The following ZNF503 variants were observed in gnomAD, a reference collection of about 807,000 sequenced individuals.
The protein encoded by ZNF503 is NocA-like zinc finger 2.
In ZNF503, 15 loss-of-function variants were observed where a neutral mutation model predicts 34.4. That is an observed-to-expected ratio of 0.44 (90% confidence interval 0.29 to 0.67). The LOEUF (loss-of-function observed/expected upper bound fraction) is 0.67. Ranked by LOEUF, ZNF503 falls within the 30% of genes least tolerant of loss-of-function variation. The pLI, the probability that ZNF503 is intolerant of heterozygous loss-of-function variation, is 0.13. For missense variants in ZNF503, 1,007 were observed against 926.8 expected, an observed-to-expected ratio of 1.09 and a Z score of -1.12; for synonymous variants, 580 against 456.8, an observed-to-expected ratio of 1.27 and a Z score of -3.44.
chr10:75,400,393 G>T lies in ZNF503; in HGVS notation c.316-19C>A, dbSNP rs555011815. ...CATCGAGCTGCGGGGTCAGACGATG[G>T]GGGGGGAGCGTCACACAGAGAAAGA... On this transcript the variant is annotated intron_variant, in intron 1 of 1. Coordinates refer to ENST00000372524, the MANE Select transcript of ZNF503 (RefSeq NM_032772.6). 14 of 1,562,608 alleles carry T rather than the reference G, an allele frequency of 9.0e-6. No homozygotes were observed. The highest frequency in any genetic ancestry group is 5.6e-5 in the South Asian group (5 of 88,982).
the ZNF503 span, among the ~76,000 whole-genome samples, chr10:75,286,557 G>C: frequency 6.6e-6 from 1 of 152,156 alleles, no homozygotes; most frequent in Non-Finnish European, 1.5e-5. Context: ...AAGTTGCTTA[G>C]CTTTTCTGTG....
chr10:75,385,121 G>T, the ZNF503 span, among the ~76,000 whole-genome samples: 1 of 152,168 alleles, frequency 6.6e-6, no homozygotes, highest in Non-Finnish European at 1.5e-5. Context: ...GGGACAAAGA[G>T]GTGGCCATCT....
the ZNF503 span, among the ~76,000 whole-genome samples, chr10:75,355,305 A>G: frequency 1.3e-5 from 2 of 152,160 alleles, no homozygotes; most frequent in African/African-American, 4.8e-5. Flanking sequence ...TTCTTTTTAA[A>G]ATAAAAACCT....
At chr10:75,321,743 G>C in the ZNF503 span, among the ~76,000 whole-genome samples, 4 of 152,156 alleles carry the variant, frequency 2.6e-5, no homozygotes, top group African/African-American at 4.8e-5. Context: ...TATAAGATTT[G>C]ACCTGCTGCT....
At chr10:75,293,702 A>G in the ZNF503 span, among the ~76,000 whole-genome samples, 1 of 151,794 alleles carries the variant, frequency 6.6e-6, no homozygotes, top group South Asian at 2.1e-4. Flanking sequence ...GGAGTTTTTC[A>G]TGATGTTTTG....
chr10:75,348,962 C>A, the ZNF503 span, among the ~76,000 whole-genome samples: 1 of 150,862 alleles, frequency 6.6e-6, no homozygotes, highest in Non-Finnish European at 1.5e-5. Flanking sequence ...GCTATATACT[C>A]TCTCTCTCTC....
downstream of ZNF503, among the ~76,000 whole-genome samples, chr10:75,396,738 T>C (rs746993600): frequency 1.3e-5 from 2 of 151,872 alleles, no homozygotes; most frequent in Non-Finnish European, 2.9e-5. This position sits in a 1 kb window ranked among gnomAD's most constrained non-coding sequence, Gnocchi z 4.4. Context: ...CCCGGAATCC[T>C]TGGAAAGGGC....
the ZNF503 span, among the ~76,000 whole-genome samples, chr10:75,300,068 G>A: frequency 1.3e-5 from 2 of 152,186 alleles, no homozygotes; most frequent in Non-Finnish European, 2.9e-5. Flanking sequence ...GGAGACTGGG[G>A]CTTATTTCAT....
At chr10:75,299,030 CA>C in the ZNF503 span, 1 of 152,012 alleles carries the variant, frequency 6.6e-6, no homozygotes. Flanking sequence ...CTCCCGGGTT[CA>C]AGTGATTCTC....
At chr10:75,340,698 G>A in the ZNF503 span, among the ~76,000 whole-genome samples, 4 of 151,874 alleles carry the variant, frequency 2.6e-5, no homozygotes, top group Middle Eastern at 3.2e-3. Context: ...TCCCAGGTTC[G>A]AGCGATTCTC....
At chr10:75,287,881 A>T in the ZNF503 span, among the ~76,000 whole-genome samples, 12 of 152,206 alleles carry the variant, frequency 7.9e-5, no homozygotes, top group Non-Finnish European at 1.8e-4. Flanking sequence ...AGTTGGGGAC[A>T]TGTGCTTAAC....
At chr10:75,324,014 G>A in the ZNF503 span, among the ~76,000 whole-genome samples, 2 of 139,914 alleles carry the variant, frequency 1.4e-5, no homozygotes, top group South Asian at 2.3e-4. Context: ...AAAAAAAAAA[G>A]GGTTGCTTGT....
the ZNF503 span, among the ~76,000 whole-genome samples, chr10:75,377,999 G>A: frequency 6.6e-6 from 1 of 152,044 alleles, no homozygotes; most frequent in African/African-American, 2.4e-5. Context: ...AAGAGAGAGA[G>A]GAGGGAGGTT....
the ZNF503 span, among the ~76,000 whole-genome samples, chr10:75,336,171 G>T: frequency 2.3e-3 from 357 of 152,222 alleles, 7 homozygotes; most frequent in East Asian, 0.06. Context: ...CTGCTAATTT[G>T]CAGTCTATTC....
At chr10:75,302,261 G>A in the ZNF503 span, among the ~76,000 whole-genome samples, 4 of 152,276 alleles carry the variant, frequency 2.6e-5, no homozygotes, top group Admixed American at 2.0e-4. Flanking sequence ...TTCCATACAT[G>A]TGATTTGTTT....
At chr10:75,348,507 AT>A in the ZNF503 span, among the ~76,000 whole-genome samples, 3,335 of 99,290 alleles carry the variant, frequency 0.034, 102 homozygotes, top group African/African-American at 0.12. Flanking sequence ...CCCTATTACT[AT>A]TTTTTTTTTT....
the ZNF503 span, among the ~76,000 whole-genome samples, chr10:75,379,952 A>G: frequency 3.3e-5 from 5 of 152,194 alleles, no homozygotes; most frequent in Admixed American, 2.0e-4. Context: ...GGTGCACGCC[A>G]CACACCCACA....
downstream of ZNF503, among the ~76,000 whole-genome samples, chr10:75,397,274 G>A (rs2131985467): frequency 6.6e-6 from 1 of 151,824 alleles, no homozygotes; most frequent in East Asian, 1.9e-4. Context: ...TGGGCAGCCA[G>A]AAGAAGAAAA....
chr10:75,363,399 C>T, the ZNF503 span, among the ~76,000 whole-genome samples: 66,828 of 151,972 alleles, frequency 0.44, 16,430 homozygotes, highest in African/African-American at 0.67. Flanking sequence ...TCTCAGAGAC[C>T]GGAGATGCCC....
Sources: gnomAD v4.1 joint callset for allele counts (sites outside exome capture counted in the v4.1 genomes callset) on GRCh38, gnomAD v4.1.1 for gene constraint, Gnocchi (gnomAD v3.1) non-coding constraint, MANE v1.5 for transcripts, NCBI Gene and HGNC (gene_info 2026-07-23, HGNC 2026-07-21) for gene names.